CNTNAP2: variants seen among roughly 807,000 people sequenced by gnomAD.
CNTNAP2 encodes the protein contactin associated protein 2, also known as contactin-associated protein-like 2.
Under a neutral mutation model 155.2 loss-of-function variants are expected in CNTNAP2, and 98 were observed. The observed-to-expected ratio is 0.63, with a 90% CI of 0.54 to 0.75. The LOEUF (loss-of-function observed/expected upper bound fraction) is 0.75. CNTNAP2 is among the 30% of genes least tolerant of loss of function. CNTNAP2 has a pLI of 0.00. For synonymous variants in CNTNAP2, 651 were observed against 631.2 expected (o/e 1.03, Z -0.47); for missense variants, 1,727 against 1,688.1 (o/e 1.02, Z -0.40).
At chr7:146,787,847 G>A (rs1472853247) in intron 2 of CNTNAP2, among the ~76,000 whole-genome samples, 1 of 152,110 alleles carries the variant, frequency 6.6e-6, no homozygotes, top group Admixed American at 6.5e-5. Context: ...CACCAGATTA[G>A]CTAGACATAG....
At chr7:147,358,088 A>G (rs1337776056) in intron 9 of CNTNAP2, among the ~76,000 whole-genome samples, 1 of 152,170 alleles carries the variant, frequency 6.6e-6, no homozygotes, top group African/African-American at 2.4e-5. Flanking sequence ...GCATTTAAAA[A>G]TTAGGAAATG....
chr7:146,946,252 C>T (rs1415486541), intron 3 of CNTNAP2, among the ~76,000 whole-genome samples: 1 of 152,026 alleles, frequency 6.6e-6, no homozygotes, highest in Admixed American at 6.6e-5. Flanking sequence ...TCTAAATCTA[C>T]CAGACTAAGG....
chr7:146,997,122 C>A (rs925120897), intron 3 of CNTNAP2, among the ~76,000 whole-genome samples: 5 of 152,070 alleles, frequency 3.3e-5, no homozygotes, highest in African/African-American at 1.2e-4. Flanking sequence ...AGCGTGAAAA[C>A]AAACTAATAC....
At chr7:147,607,453 C>A (rs1345205153) in intron 12 of CNTNAP2, among the ~76,000 whole-genome samples, 3 of 151,646 alleles carry the variant, frequency 2.0e-5, no homozygotes, top group Non-Finnish European at 2.9e-5. Flanking sequence ...TAAATAATAT[C>A]TTTTGTCTCA....
chr7:146,767,638 G>A (rs1165179819), intron 1 of CNTNAP2, among the ~76,000 whole-genome samples: 1 of 152,128 alleles, frequency 6.6e-6, no homozygotes, highest in Non-Finnish European at 1.5e-5. Context: ...AAAAATGGGA[G>A]GAAAATATGG....
chr7:147,967,655 G>T (rs1484049021), intron 14 of CNTNAP2, among the ~76,000 whole-genome samples: 2 of 152,102 alleles, frequency 1.3e-5, no homozygotes, highest in Non-Finnish European at 2.9e-5. Flanking sequence ...GAAATTTACT[G>T]TTCTAATTGC....
chr7:147,750,047 G>A (rs1481801836), intron 13 of CNTNAP2, among the ~76,000 whole-genome samples: 1 of 152,148 alleles, frequency 6.6e-6, no homozygotes, highest in East Asian at 1.9e-4. Flanking sequence ...TTCAGTGGAT[G>A]CAATACAGCC....
Position 147,435,048 on chromosome 7 carries a change from G to A in CNTNAP2, c.1670+39268G>A, listed in dbSNP as rs115620147. On this transcript the variant is annotated intron_variant, in intron 10 of 23. Coordinates refer to ENST00000361727, the MANE Select transcript of CNTNAP2 (RefSeq NM_014141.6). The stretch of plus-strand genomic sequence containing the variant: ...AGGCAACAGGACAGTGAAAAATGGC[G>A]ATCGTTATATTGATTCATACAACAC... Among the ~76,000 whole-genome samples the A allele has an allele frequency of 7.9e-3, 1,196 of 152,206 alleles. 14 individuals carry two copies. The highest frequency in any genetic ancestry group is 0.027 in the African/African-American group (1,126 of 41,528).
chr7:146,336,561 G>A (rs1801279189), intron 1 of CNTNAP2, among the ~76,000 whole-genome samples: 1 of 151,470 alleles, frequency 6.6e-6, no homozygotes, highest in African/African-American at 2.4e-5. Flanking sequence ...AGAATTAATT[G>A]GACTTTATCA....
rs576492994 is a variant in CNTNAP2 at position 147,469,246 on chromosome 7, T to C, written c.1671-16689T>C. On this transcript the variant is annotated intron_variant, in intron 10 of 23. Transcript: ENST00000361727. ...GCCAGCCTATGAAATGCCAGTTCAATTCCGTGTCCGTTCTGTAATTCAGGA... is the reference window on the plus strand; with the variant it reads ...GCCAGCCTATGAAATGCCAGTTCAACTCCGTGTCCGTTCTGTAATTCAGGA... 5.3e-5 allele frequency among the ~76,000 whole-genome samples: 8 copies of C among 152,302 alleles called. No individual in the cohort carries two copies. In the South Asian group the frequency reaches 1.4e-3, roughly 28 times the overall value.
At chr7:147,275,665 T>C (rs1227831861) in intron 8 of CNTNAP2, among the ~76,000 whole-genome samples, 1 of 152,076 alleles carries the variant, frequency 6.6e-6, no homozygotes, top group Non-Finnish European at 1.5e-5. Context: ...TTATTTCTCT[T>C]GCCTAAGTGC....
At chr7:147,576,328 T>A (rs1338639881) in intron 12 of CNTNAP2, among the ~76,000 whole-genome samples, 37 of 152,064 alleles carry the variant, frequency 2.4e-4, no homozygotes, top group Admixed American at 2.4e-3. Flanking sequence ...TAGGTAAGAG[T>A]GTGCATCACT....
chr7:146,812,667 A>T lies in CNTNAP2; in HGVS notation c.209-27044A>T, dbSNP rs377134761. 2.0e-4 allele frequency among the ~76,000 whole-genome samples: 30 copies of T among 152,234 alleles called. 1 individual carries two copies. The highest frequency in any genetic ancestry group is 8.5e-4 in the Admixed American group (13 of 15,284). Reference sequence around the variant, plus strand: ...AGAAAAACCCGTTTTCCAGGGAGAAATTCAGGCTCACTACAGAAATTTGCA... The same window carrying T: ...AGAAAAACCCGTTTTCCAGGGAGAATTTCAGGCTCACTACAGAAATTTGCA... On this transcript the variant is annotated intron_variant, in intron 2 of 23. Transcript: ENST00000361727.
At chr7:146,733,218 G>C (rs2129179796) in intron 1 of CNTNAP2, among the ~76,000 whole-genome samples, 1 of 152,100 alleles carries the variant, frequency 6.6e-6, no homozygotes, top group Non-Finnish European at 1.5e-5. Flanking sequence ...CAAACATTCA[G>C]GAATCCAGAC....
At chr7:147,170,209 G>T (rs1802198535) in intron 8 of CNTNAP2, among the ~76,000 whole-genome samples, 1 of 152,130 alleles carries the variant, frequency 6.6e-6, no homozygotes, top group Admixed American at 6.5e-5. Context: ...TCCAAGGCGG[G>T]TGAATGGTTT....
intron 8 of CNTNAP2, among the ~76,000 whole-genome samples, chr7:147,283,709 T>A (rs1454787160): frequency 1.3e-5 from 2 of 152,018 alleles, no homozygotes; most frequent in East Asian, 3.9e-4. Flanking sequence ...TTCCAGAGAA[T>A]TTCTGAAATA....
chr7:146,352,158 T>G (rs1393476600), intron 1 of CNTNAP2, among the ~76,000 whole-genome samples: 1 of 152,224 alleles, frequency 6.6e-6, no homozygotes, highest in East Asian at 1.9e-4. Flanking sequence ...TATTTGTATT[T>G]CCATGTATTT....
intron 3 of CNTNAP2, among the ~76,000 whole-genome samples, chr7:147,033,840 A>T (rs1799092996): frequency 6.6e-6 from 1 of 151,950 alleles, no homozygotes; most frequent in Admixed American, 6.6e-5. Context: ...ATACAGGCAA[A>T]CTCCCAAATT....
At chr7:148,303,463 A>ACT (rs962385514) in intron 21 of CNTNAP2, among the ~76,000 whole-genome samples, 11 of 152,184 alleles carry the variant, frequency 7.2e-5, no homozygotes, top group Non-Finnish European at 1.6e-4. Flanking sequence ...TGGCCAGCTG[A>ACT]CTCAGCTTCA....
Sources: allele counts gnomAD v4.1 joint callset (sites outside exome capture counted in the v4.1 genomes callset), GRCh38; gene constraint gnomAD v4.1.1; transcripts MANE v1.5; gene names NCBI Gene and HGNC (gene_info 2026-07-23, HGNC 2026-07-21).